The following ACYP2 variants were observed in gnomAD, a reference collection of about 807,000 sequenced individuals.
The protein encoded by ACYP2 is acylphosphatase 2.
In ACYP2, 12 loss-of-function variants were observed where a neutral mutation model predicts 11.2. That is an observed-to-expected ratio of 1.08 (90% confidence interval 0.69 to 1.74). ACYP2 has a LOEUF of 1.74. ACYP2 is among the 40% of genes most tolerant of loss of function. ACYP2 has a pLI of 0.00. For synonymous variants in ACYP2, 43 were observed against 32.2 expected (o/e 1.33, Z -1.13); for missense variants, 134 against 101.9 (o/e 1.31, Z -1.35).
At chr2:54,113,225 G>A (rs1262351611) in intron 4 of ACYP2, among the ~76,000 whole-genome samples, 2 of 150,214 alleles carry the variant, frequency 1.3e-5, no homozygotes, top group Non-Finnish European at 2.9e-5. Context: ...GTCTGCATGA[G>A]TTCAGTAGAG....
rs1469042524 is a variant in ACYP2, at chr2:54,201,604, C to CTTTCTTTCTTTCTT, written c.404+62858_404+62871dup. On this transcript the variant is annotated intron_variant, in intron 6 of 6. Transcript: ENST00000607452. ...TCTTTTTCTTTCTTTCTCTTTCTTT[C>CTTTCTTTCTTTCTT]TTTCTTTCTTTCTTTCTTTGTTTCT... 5.6e-4 allele frequency among the ~76,000 whole-genome samples: 47 copies of CTTTCTTTCTTTCTT among 83,974 alleles called. No individual in the cohort carries two copies. The East Asian group carries it at 5.7e-3, about 10-fold the overall frequency. 55.1% of individuals were successfully genotyped at this position (83,974 alleles called of 152,430 possible). A position where few individuals can be genotyped will look rare whatever the true frequency, so the allele number is the denominator to read the frequency against.
intron 2 of ACYP2, among the ~76,000 whole-genome samples, chr2:54,027,829 CTTTCTTTCTTT>C (rs1250211029): frequency 7.8e-6 from 1 of 128,326 alleles, no homozygotes; most frequent in Non-Finnish European, 1.6e-5. Flanking sequence ...ATGTTTCTTT[CTTTCTTTCTTT>C]TTTTTTTTTT....
At chr2:54,102,638 CAAAAAAAAAAAAAAAAAAAAAAAAA>C (rs58842257) in intron 4 of ACYP2, among the ~76,000 whole-genome samples, 44 of 83,274 alleles carry the variant, frequency 5.3e-4, no homozygotes, top group East Asian at 1.1e-3. Context: ...TGGCTTAAGC[CAAAAAAAAAAAAAAAAAAAAAAAAA>C]AAAAAAAAAA....
intron 1 of ACYP2, among the ~76,000 whole-genome samples, chr2:53,973,401 G>T (rs1210857571): frequency 6.6e-6 from 1 of 152,178 alleles, no homozygotes; most frequent in Non-Finnish European, 1.5e-5. Context: ...TATACATCCA[G>T]ATGGCCTGAA....
At chr2:54,265,064 A>G (rs567438448) in intron 6 of ACYP2, among the ~76,000 whole-genome samples, 111 of 152,338 alleles carry the variant, frequency 7.3e-4, no homozygotes, top group Non-Finnish European at 2.6e-4. Context: ...ATTTGATTGT[A>G]CTATGCTTTC....
At chr2:54,280,230 A>G (rs1688785142) in intron 6 of ACYP2, among the ~76,000 whole-genome samples, 1 of 152,166 alleles carries the variant, frequency 6.6e-6, no homozygotes, top group Non-Finnish European at 1.5e-5. Context: ...AAGAAGAGAG[A>G]GATATGAAAG....
chr2:54,143,060 T>A (rs569840346), intron 6 of ACYP2: 1 of 152,314 alleles, frequency 6.6e-6, no homozygotes, highest in Non-Finnish European at 1.5e-5. Context: ...ATCAGTTTTT[T>A]AAAAAACTAT....
intron 6 of ACYP2, among the ~76,000 whole-genome samples, chr2:54,284,918 C>G (rs1689013866): frequency 6.6e-6 from 1 of 152,192 alleles, no homozygotes; most frequent in African/African-American, 2.4e-5. Context: ...CTTGAAATAC[C>G]TTCTTTGCTG....
intron 6 of ACYP2, among the ~76,000 whole-genome samples, chr2:54,140,192 C>G (rs774751302): frequency 1.8e-4 from 27 of 151,960 alleles, no homozygotes; most frequent in Admixed American, 4.6e-4. Flanking sequence ...TTGTACAGAA[C>G]TGATAGTTCA....
At chr2:54,024,927 A>G (rs1203823636) in intron 2 of ACYP2, among the ~76,000 whole-genome samples, 1 of 152,226 alleles carries the variant, frequency 6.6e-6, no homozygotes, top group African/African-American at 2.4e-5. Context: ...AACCAGTAGT[A>G]CTGCTATACA....
chr2:53,994,295 A>G (rs539612458), intron 2 of ACYP2, among the ~76,000 whole-genome samples: 62 of 127,424 alleles, frequency 4.9e-4, no homozygotes, highest in Non-Finnish European at 7.8e-4. Context: ...GCGCCCCTGC[A>G]CTCTAGCCTG....
At chr2:54,077,801 G>A (rs1167347596) in intron 4 of ACYP2, among the ~76,000 whole-genome samples, 3 of 152,176 alleles carry the variant, frequency 2.0e-5, no homozygotes, top group Non-Finnish European at 4.4e-5. Flanking sequence ...AGTAGCGCTG[G>A]AAGTAGAACC....
chr2:54,083,870 G>A (rs1224482444), intron 4 of ACYP2, among the ~76,000 whole-genome samples: 3 of 152,158 alleles, frequency 2.0e-5, no homozygotes, highest in Admixed American at 6.5e-5. Context: ...GTTTGGAGTA[G>A]TCTGATGCTT....
At chr2:54,119,051 CTTTTTTTTTT>C (rs10542497) in intron 4 of ACYP2, among the ~76,000 whole-genome samples, 33 of 43,772 alleles carry the variant, frequency 7.5e-4, no homozygotes, top group African/African-American at 1.9e-3. Context: ...TCTTAGTAGT[CTTTTTTTTTT>C]TTTTTTTTTT....
At chr2:54,259,941 G>C (rs1687709584) in intron 6 of ACYP2, among the ~76,000 whole-genome samples, 1 of 152,198 alleles carries the variant, frequency 6.6e-6, no homozygotes, top group Non-Finnish European at 1.5e-5. Flanking sequence ...CAAAGAACGT[G>C]TTTTTAAAAT....
chr2:54,069,580 T>G (rs994285154), intron 4 of ACYP2, among the ~76,000 whole-genome samples: 7 of 152,100 alleles, frequency 4.6e-5, no homozygotes, highest in African/African-American at 1.2e-4. Flanking sequence ...GAGGATGGCA[T>G]GAACCCGGGA....
At chr2:54,205,096 C>T (rs752249149) in intron 6 of ACYP2, among the ~76,000 whole-genome samples, 6 of 152,180 alleles carry the variant, frequency 3.9e-5, no homozygotes, top group Non-Finnish European at 7.3e-5. Context: ...CCTATCTCTC[C>T]ATTCTGGTTT....
intron 6 of ACYP2, among the ~76,000 whole-genome samples, chr2:54,269,578 A>G (rs1364525451): frequency 6.6e-6 from 1 of 152,216 alleles, no homozygotes; most frequent in African/African-American, 2.4e-5. Flanking sequence ...CCTTTGGGAA[A>G]TGTGAGTGTT....
chr2:54,171,238 A>T (rs1277605699), intron 6 of ACYP2, among the ~76,000 whole-genome samples: 2 of 152,110 alleles, frequency 1.3e-5, no homozygotes, highest in East Asian at 3.8e-4. Context: ...TCCAGCCCCA[A>T]ATACGACCCT....
Sources: allele counts gnomAD v4.1 joint callset (sites outside exome capture counted in the v4.1 genomes callset), GRCh38; gene constraint gnomAD v4.1.1; transcripts MANE v1.5; gene names NCBI Gene and HGNC (gene_info 2026-07-23, HGNC 2026-07-21).